Variants in FAM13A observed in about 807,000 individuals in gnomAD.
FAM13A encodes protein FAM13A.
A neutral mutation model predicts 129.6 loss-of-function variants in FAM13A; 76 were observed. That is an observed-to-expected ratio of 0.59 (90% CI 0.49 to 0.71). The LOEUF (loss-of-function observed/expected upper bound fraction) is 0.71, where lower values mean the gene tolerates loss of function less well. Ranked by LOEUF, FAM13A falls within the 30% of genes least tolerant of loss-of-function variation. FAM13A has a pLI of 0.00. For missense variants in FAM13A, 1,108 were observed against 1,249.3 expected (o/e 0.89, Z 1.70); for synonymous variants, 443 against 449.9 (o/e 0.98, Z 0.20).
chr4:88,837,193 C>T (rs1196810246), intron 7 of FAM13A, among the ~76,000 whole-genome samples: 1 of 150,544 alleles, frequency 6.6e-6, no homozygotes, highest in African/African-American at 2.4e-5. Context: ...GAGGTTTCTC[C>T]CATGTTGGTC....
At chr4:88,752,898 T>C (rs1742915495) in intron 14 of FAM13A, among the ~76,000 whole-genome samples, 1 of 152,214 alleles carries the variant, frequency 6.6e-6, no homozygotes, top group Admixed American at 6.5e-5. Flanking sequence ...AGGGTTAAGA[T>C]GGCTTGAACA....
chr4:89,035,258 GA>G (rs1485989496), intron 1 of FAM13A, among the ~76,000 whole-genome samples: 7 of 152,096 alleles, frequency 4.6e-5, no homozygotes, highest in African/African-American at 1.7e-4. Flanking sequence ...TTGGGTGACA[GA>G]ATCAATAGAA....
intron 19 of FAM13A, among the ~76,000 whole-genome samples, chr4:88,746,191 T>G (rs1741296848): frequency 6.6e-6 from 1 of 152,228 alleles, no homozygotes. Flanking sequence ...TACCTGCTTT[T>G]AAAAATTTGT....
At chr4:88,976,151 A>G (rs1760869581) in intron 4 of FAM13A, among the ~76,000 whole-genome samples, 1 of 152,214 alleles carries the variant, frequency 6.6e-6, no homozygotes, top group Non-Finnish European at 1.5e-5. Context: ...TTAGCAGAGT[A>G]GTGTTGATGA....
chr4:88,730,994 G>A (rs1245552429), intron 23 of FAM13A, among the ~76,000 whole-genome samples: 2 of 152,168 alleles, frequency 1.3e-5, no homozygotes, highest in Non-Finnish European at 2.9e-5. Context: ...AGAAAAAAGC[G>A]TTGGTGCCAC....
intron 3 of FAM13A, among the ~76,000 whole-genome samples, chr4:88,998,913 T>G (rs1172038484): frequency 6.6e-6 from 1 of 152,194 alleles, no homozygotes; most frequent in Non-Finnish European, 1.5e-5. Flanking sequence ...GACCATGATA[T>G]GGTTCTCAGA....
At chr4:88,962,318 G>A (rs1758737565) in intron 4 of FAM13A, among the ~76,000 whole-genome samples, 1 of 152,140 alleles carries the variant, frequency 6.6e-6, no homozygotes, top group Non-Finnish European at 1.5e-5. Flanking sequence ...AGAAGGAAAG[G>A]ATGAACGAGA....
chr4:89,010,811 G>T (rs1765624830), intron 3 of FAM13A, among the ~76,000 whole-genome samples: 1 of 152,028 alleles, frequency 6.6e-6, no homozygotes, highest in South Asian at 2.1e-4. Flanking sequence ...CAGTTTCTCA[G>T]GTCATCTCAA....
At chr4:88,888,336 A>C (rs1744778296) in intron 6 of FAM13A, among the ~76,000 whole-genome samples, 3 of 152,192 alleles carry the variant, frequency 2.0e-5, no homozygotes, top group Admixed American at 6.5e-5. Context: ...CAGAAACTGT[A>C]TTTCCCAGAA....
chr4:88,851,012 A>AT lies in FAM13A; in HGVS notation c.1007+7dup. 1 of 1,613,468 alleles carries AT rather than the reference A, an allele frequency of 6.2e-7. No homozygotes were observed. Among genetic ancestry groups the AT allele is most frequent in the Non-Finnish European group, 8.5e-7 (1 of 1,179,518 alleles). On this transcript the variant is annotated splice_region_variant and intron_variant, in intron 7 of 23. Coordinates refer to ENST00000264344, the MANE Select transcript of FAM13A (RefSeq NM_014883.4). Reference sequence around the variant, plus strand: ...TATGGATTGTGTAGATAAAGAAAACATGCCAACCTGGGTACCAACTTGGCA... The same window carrying AT: ...TATGGATTGTGTAGATAAAGAAAACATTGCCAACCTGGGTACCAACTTGGCA...
intron 1 of FAM13A, among the ~76,000 whole-genome samples, chr4:89,037,599 T>C (rs1048788434): frequency 3.3e-5 from 5 of 152,212 alleles, no homozygotes; most frequent in African/African-American, 9.7e-5. Flanking sequence ...GGAATGATTG[T>C]ATTTTGCAAT....
rs548878249 is a variant in FAM13A at position 88,886,190 on chromosome 4, C to A, written c.843+20189G>T. Among the ~76,000 whole-genome samples, 8 of 152,296 alleles carry A rather than the reference C, an allele frequency of 5.3e-5. No homozygotes were observed. In the South Asian group the frequency reaches 1.7e-3, roughly 32 times the overall value. The stretch of plus-strand genomic sequence containing the variant: ...GGTATCTACCCAGAGGAAGATAAAT[C>A]ATTAAACAAAAGTAATACTTCCACA... On this transcript the variant is annotated intron_variant, in intron 6 of 23. Transcript: ENST00000264344.
chr4:88,984,944 C>A (rs999788103), intron 4 of FAM13A, among the ~76,000 whole-genome samples: 1 of 151,980 alleles, frequency 6.6e-6, no homozygotes, highest in African/African-American at 2.4e-5. Flanking sequence ...AGTTATATAC[C>A]CAAGAGAAAT....
intron 19 of FAM13A, among the ~76,000 whole-genome samples, chr4:88,740,352 C>A (rs1560856334): frequency 6.6e-6 from 1 of 152,196 alleles, no homozygotes; most frequent in Non-Finnish European, 1.5e-5. Context: ...GAGACTGTAG[C>A]CCCTTGAGAG....
At chr4:88,807,245 T>C (rs114683873) in intron 7 of FAM13A, among the ~76,000 whole-genome samples, 1,987 of 152,308 alleles carry the variant, frequency 0.013, 44 homozygotes, top group African/African-American at 0.046. Flanking sequence ...CAGCTGTTTA[T>C]GTGTCTTAGC....
At chr4:88,911,972 C>T (rs1172733302) in intron 5 of FAM13A, among the ~76,000 whole-genome samples, 3 of 152,320 alleles carry the variant, frequency 2.0e-5, no homozygotes, top group Non-Finnish European at 2.9e-5. Context: ...TTCACAGAAT[C>T]TGCCAAAACA....
At chr4:89,019,901 T>A (rs1767017673) in intron 3 of FAM13A, among the ~76,000 whole-genome samples, 1 of 152,172 alleles carries the variant, frequency 6.6e-6, no homozygotes, top group South Asian at 2.1e-4. Context: ...AGTACACCAG[T>A]GAGCTTTCAG....
At chr4:88,997,576 TATAATC>T (rs748247360) in intron 3 of FAM13A, among the ~76,000 whole-genome samples, 1 of 127,318 alleles carries the variant, frequency 7.9e-6, no homozygotes, top group East Asian at 2.3e-4. Flanking sequence ...AAATTATAAT[TATAATC>T]AGCAATGCTA....
At chr4:88,822,948 A>C in intron 7 of FAM13A, 1 of 1,610,430 alleles carries the variant, frequency 6.2e-7, no homozygotes, top group Non-Finnish European at 8.5e-7. Flanking sequence ...AATACATAGC[A>C]GAATAAAATA....
Sources: gnomAD v4.1 joint callset for allele counts (sites outside exome capture counted in the v4.1 genomes callset) on GRCh38, gnomAD v4.1.1 for gene constraint, MANE v1.5 for transcripts, NCBI Gene and HGNC (gene_info 2026-07-23, HGNC 2026-07-21) for gene names.